ANKS3: variants seen among roughly 807,000 people sequenced by gnomAD.
ANKS3 encodes the protein ankyrin repeat and sterile alpha motif domain containing 3.
In ANKS3, 62 loss-of-function variants were observed where a neutral mutation model predicts 80.7. That is an observed-to-expected ratio of 0.77 (90% CI 0.63 to 0.95). ANKS3 has a LOEUF of 0.95. ANKS3 is among the 40% of genes least tolerant of loss of function. The probability of loss-of-function intolerance (pLI) is 0.00; values close to 1 mark genes in which losing one functional copy is unlikely to be tolerated. For synonymous variants in ANKS3, 489 were observed against 355.3 expected, an observed-to-expected ratio of 1.38 and a Z score of -4.23; for missense variants, 1,150 against 883.6, an observed-to-expected ratio of 1.30 and a Z score of -3.82.
chr16:4,707,238 T>A (rs2080241953), intron 7 of ANKS3, among the ~76,000 whole-genome samples: 2 of 150,210 alleles, frequency 1.3e-5, no homozygotes, highest in African/African-American at 4.9e-5. Flanking sequence ...GCTATCAACG[T>A]GGAATTCAGG....
intron 6 of ANKS3, among the ~76,000 whole-genome samples, chr16:4,721,260 G>T (rs1159763022): frequency 6.7e-6 from 1 of 148,816 alleles, no homozygotes; most frequent in Non-Finnish European, 1.5e-5. Flanking sequence ...AGCCGAGATC[G>T]TGCCACTGCA....
chr16:4,705,318 G>C lies in ANKS3; in HGVS notation c.710-65C>G. On this transcript the variant is annotated intron_variant, in intron 7 of 17. Transcript: ENST00000304283. The stretch of plus-strand genomic sequence containing the variant: ...ATGGACTCATTTACTAATCCTTACG[G>C]CAAACTGAAAGAAAGTGACTGTCGC... 6 of 1,550,284 alleles carry C rather than the reference G, an allele frequency of 3.9e-6. No individual in the cohort carries two copies. The South Asian group carries it at 7.1e-5, about 18-fold the overall frequency.
At chr16:4,729,898 G>C in intron 3 of ANKS3, 82 bp downstream of exon 3, 1 of 1,298,598 alleles carries the variant, frequency 7.7e-7, no homozygotes, top group South Asian at 2.2e-5. Flanking sequence ...ATCCACAACT[G>C]TGTGCAAAGC....
At chr16:4,728,305 A>G (rs2081458697) in intron 3 of ANKS3, among the ~76,000 whole-genome samples, 2 of 152,150 alleles carry the variant, frequency 1.3e-5, no homozygotes, top group South Asian at 4.1e-4. Context: ...TTAGCCTCCC[A>G]AAGTGCTGGA....
At position 4,698,886 on chromosome 16, in the gene ANKS3, C is replaced by T. The variant is rs961056150; in HGVS notation, c.1465G>A (p.Ala489Thr). The change falls in exon 13 of 18, where the codon GCC becomes ACC. Residue 489 changes from alanine to threonine, a missense_variant. Transcript: ENST00000304283. The stretch of plus-strand genomic sequence containing the variant: ...TCCAGGGCATCCCCGGGTGGGCGGG[C>T]ACTGCTGTGCCAGCGGGCAATGGCG... ...TSAIARWHSS[A>T]RPPGDALELA... The T allele has an allele frequency of 2.5e-6, 4 of 1,600,132 alleles. No individual in the cohort carries two copies. Among genetic ancestry groups the T allele is most frequent in the Non-Finnish European group, 2.6e-6 (3 of 1,172,574 alleles).
chr16:4,696,867 CA>C lies in ANKS3; in HGVS notation c.*40del. The C allele has an allele frequency of 1.4e-6, 1 of 728,998 alleles. No individual in the cohort carries two copies. The allele number at this position is 728,998 out of a possible 1,614,324, so 45.2% of individuals were successfully genotyped here. ...CTCCTCACTCCCTGGCACACAGCTT[CA>C]GGGTGGACCAATCACCCAACGTCAG... On this transcript the variant is annotated 3_prime_UTR_variant, in exon 18 of 18. Transcript: ENST00000304283.
intron 7 of ANKS3, among the ~76,000 whole-genome samples, chr16:4,709,533 T>C (rs1045638385): frequency 2.0e-5 from 3 of 152,210 alleles, no homozygotes; most frequent in African/African-American, 7.2e-5. Context: ...ACTGCCGCAG[T>C]ATTCACAGTA....
intron 6 of ANKS3, among the ~76,000 whole-genome samples, chr16:4,721,510 C>CT (rs1025978793): frequency 8.6e-5 from 13 of 151,164 alleles, no homozygotes; most frequent in African/African-American, 3.1e-4. Flanking sequence ...ACTTGGGAGG[C>CT]TGAGGCAGGA....
chr16:4,728,839 C>G (rs984646862), intron 3 of ANKS3, among the ~76,000 whole-genome samples: 3 of 152,220 alleles, frequency 2.0e-5, no homozygotes, highest in Non-Finnish European at 4.4e-5. Flanking sequence ...CTGCCTATGC[C>G]TAGAGCCTCC....
intron 6 of ANKS3, among the ~76,000 whole-genome samples, chr16:4,720,677 A>AT (rs2081043512): frequency 6.6e-6 from 1 of 151,520 alleles, no homozygotes; most frequent in African/African-American, 2.4e-5. Flanking sequence ...GCAGTGGCTC[A>AT]TGCCTGTAAT....
intron 6 of ANKS3, 77 bp downstream of exon 6, chr16:4,724,673 G>T: frequency 7.3e-7 from 1 of 1,376,664 alleles, no homozygotes; most frequent in Non-Finnish European, 1.0e-6. Flanking sequence ...GGAAAATTCT[G>T]TAATAGCTTA....
In ANKS3 at chr16:4,697,046, C is replaced by T; in HGVS notation, c.1953G>A (p.Lys651=). 2 of 1,613,898 alleles carry T rather than the reference C, an allele frequency of 1.2e-6. No individual in the cohort carries two copies. Among genetic ancestry groups the T allele is most frequent in the Non-Finnish European group, 1.7e-6 (2 of 1,179,982 alleles). Residue 651 remains lysine, a synonymous_variant, in exon 17 of 18, where the codon AAG becomes AAA. Transcript: ENST00000304283. ...CCGCAGGCTAGGTCTCCCGCCACTTCTTCCCGTTCAGCACCTGCAGCTTCT... is the reference window on the plus strand; with the variant it reads ...CCGCAGGCTAGGTCTCCCGCCACTTTTTCCCGTTCAGCACCTGCAGCTTCT... ...SLEKLQVLNG[K]KWRET
intron 6 of ANKS3, among the ~76,000 whole-genome samples, chr16:4,722,758 A>C (rs1374011552): frequency 6.7e-6 from 1 of 148,624 alleles, no homozygotes; most frequent in Non-Finnish European, 1.5e-5. Context: ...TCTCTACTAA[A>C]ATACAAAAAA....
At chr16:4,726,078 CCAT>C (rs763251549) in intron 5 of ANKS3, among the ~76,000 whole-genome samples, 1 of 151,158 alleles carries the variant, frequency 6.6e-6, no homozygotes, top group Non-Finnish European at 1.5e-5. Flanking sequence ...CGGGTTCACA[CCAT>C]TCTCTTGCCT....
rs534219168 is a variant in ANKS3, at chr16:4,700,920, C to A, written c.1284+50G>T. ...TACACAACACATGCCTCCTAAGTCA[C>A]AAAAAGTGCCGTCTCTGAGTGTAAC... On this transcript the variant is annotated intron_variant, in intron 11 of 17. Coordinates refer to ENST00000304283, the MANE Select transcript of ANKS3 (RefSeq NM_133450.4). The A allele has an allele frequency of 5.6e-6, 9 of 1,609,990 alleles. No homozygotes were observed. In the East Asian group the frequency reaches 2.0e-4, roughly 36 times the overall value.
intron 9 of ANKS3, 174 bp from the exon 10 acceptor site, chr16:4,701,717 G>C (rs2079917710): frequency 1.8e-6 from 1 of 558,810 alleles, no homozygotes; most frequent in Non-Finnish European, 3.1e-6. Flanking sequence ...CAGACGGGCA[G>C]GGCTTCTGTC....
chr16:4,697,984 G>T lies in ANKS3; in HGVS notation c.1803C>A (p.Pro601=). The T allele has an allele frequency of 6.3e-7, 1 of 1,594,054 alleles. No individual in the cohort carries two copies. Among genetic ancestry groups the T allele is most frequent in the East Asian group, 2.2e-5 (1 of 44,590 alleles). ...PGAATLGLAV[P]PADSKGWQAS... ...TCAGGCCACTGCTCTTACCAGCTGG[G>T]GGGACGGCTAGGCCCAGAGTGGCTG... The change falls in exon 15 of 18, where the codon CCC becomes CCA. Residue 601 remains proline (P), a synonymous_variant. Transcript: ENST00000304283.
Position 4,697,132 on chromosome 16 carries a change from C to G in ANKS3, c.1895-28G>C, listed in dbSNP as rs201409692. ...GAGGAATGATGACCTTGAGCCTCTC[C>G]CGGCCAGGCTCAGGAGGGCTGGGTG... On this transcript the variant is annotated intron_variant, in intron 16 of 17. Coordinates refer to ENST00000304283, the MANE Select transcript of ANKS3 (RefSeq NM_133450.4). 6.2e-6 allele frequency: 10 copies of G among 1,609,244 alleles called. No individual in the cohort carries two copies. In the African/African-American group the frequency reaches 1.1e-4, roughly 17 times the overall value.
chr16:4,708,284 A>T (rs2080306403), intron 7 of ANKS3, among the ~76,000 whole-genome samples: 1 of 152,166 alleles, frequency 6.6e-6, no homozygotes, highest in South Asian at 2.1e-4. Context: ...CTAGAAATTA[A>T]CAAACAAAAA....
Sources: allele counts gnomAD v4.1 joint callset (sites outside exome capture counted in the v4.1 genomes callset), GRCh38; gene constraint gnomAD v4.1.1; transcripts MANE v1.5; gene names NCBI Gene and HGNC (gene_info 2026-07-23, HGNC 2026-07-21).